Variants in ADAM22 observed in about 807,000 individuals in gnomAD.
ADAM22 encodes the protein disintegrin and metalloproteinase domain-containing protein 22.
Under a neutral mutation model 144.6 loss-of-function variants are expected in ADAM22, and 65 were observed. That is an observed-to-expected ratio of 0.45 (90% confidence interval 0.37 to 0.55). The LOEUF is 0.55. Ranked by LOEUF, ADAM22 falls within the 20% of genes least tolerant of loss-of-function variation. ADAM22 has a pLI of 0.00. For missense variants in ADAM22, 974 were observed against 1,184.9 expected (o/e 0.82, Z 2.61); for synonymous variants, 391 against 412.6 (o/e 0.95, Z 0.63).
intron 3 of ADAM22, among the ~76,000 whole-genome samples, chr7:87,978,659 A>G (rs767521160): frequency 1.3e-5 from 2 of 152,244 alleles, no homozygotes; most frequent in African/African-American, 2.4e-5. Flanking sequence ...TTACCCCAAT[A>G]TTTTTTGTAA....
At chr7:88,025,817 T>G (rs1798901949) in intron 3 of ADAM22, among the ~76,000 whole-genome samples, 1 of 152,224 alleles carries the variant, frequency 6.6e-6, no homozygotes, top group African/African-American at 2.4e-5. Context: ...TTCAGTTTTG[T>G]TCTTTTTACT....
At chr7:87,934,751 C>A (rs1232280465) in intron 1 of ADAM22, 1 of 651,476 alleles carries the variant, frequency 1.5e-6, no homozygotes, top group Non-Finnish European at 2.6e-6. Context: ...TGGAAGCCTT[C>A]GGTCAAAGCC....
At chr7:87,992,196 T>C (rs777613990) in intron 3 of ADAM22, among the ~76,000 whole-genome samples, 4 of 152,208 alleles carry the variant, frequency 2.6e-5, no homozygotes, top group Non-Finnish European at 5.9e-5. Flanking sequence ...CAAAGCTGTG[T>C]AAGATTTTGC....
intron 22 of ADAM22, among the ~76,000 whole-genome samples, chr7:88,157,551 C>T (rs951600006): frequency 7.2e-5 from 11 of 151,950 alleles, no homozygotes; most frequent in Admixed American, 5.2e-4. Flanking sequence ...AATTGCACTC[C>T]ACCAAAACAA....
chr7:88,079,106 G>T (rs1439629126), intron 4 of ADAM22, among the ~76,000 whole-genome samples: 1 of 152,136 alleles, frequency 6.6e-6, no homozygotes, highest in African/African-American at 2.4e-5. Context: ...GAAAGGTCGG[G>T]TTACCCACAA....
intron 2 of ADAM22, among the ~76,000 whole-genome samples, chr7:87,970,470 TA>T (rs1850176343): frequency 6.6e-6 from 1 of 152,194 alleles, no homozygotes; most frequent in African/African-American, 2.4e-5. Flanking sequence ...ACCCCATTGG[TA>T]AACATCAATT....
intron 3 of ADAM22, among the ~76,000 whole-genome samples, chr7:87,987,621 A>G (rs1239708195): frequency 1.3e-5 from 2 of 152,226 alleles, no homozygotes; most frequent in East Asian, 3.8e-4. Flanking sequence ...CTGTTAAACT[A>G]TTGGATGAAC....
At chr7:88,029,612 C>G (rs1404631350) in intron 3 of ADAM22, among the ~76,000 whole-genome samples, 2 of 152,056 alleles carry the variant, frequency 1.3e-5, no homozygotes, top group East Asian at 3.8e-4. Flanking sequence ...ATGTCCTTTT[C>G]TTTCAGATTG....
rs1831483857 is a variant in ADAM22 at position 88,130,460 on chromosome 7, G to T, written c.825+1G>T. ...ATCTGTGGTGAACATGGCAGATTTA[G>T]TAAGTATCAACCCCGTTCATTATTG... On this transcript the variant is annotated splice_donor_variant, in intron 10 of 31. Coordinates refer to ENST00000413139, the MANE Select transcript of ADAM22 (RefSeq NM_001324418.2). LOFTEE classifies it high-confidence loss of function. The T allele has an allele frequency of 6.2e-7, 1 of 1,612,198 alleles. No homozygotes were observed. The highest frequency in any genetic ancestry group is 8.5e-7 in the Non-Finnish European group (1 of 1,178,642).
intron 14 of ADAM22, among the ~76,000 whole-genome samples, chr7:88,142,607 G>C (rs1172652071): frequency 6.6e-6 from 1 of 152,150 alleles, no homozygotes; most frequent in Non-Finnish European, 1.5e-5. Flanking sequence ...GGGAGGCCGA[G>C]GCGGGCGGAT....
chr7:88,153,450 C>A, intron 21 of ADAM22, 124 bp downstream of exon 21: 1 of 700,696 alleles, frequency 1.4e-6, no homozygotes, highest in Non-Finnish European at 2.4e-6. Context: ...TTAACCTCAT[C>A]TCTTCCCAGT....
intron 5 of ADAM22, among the ~76,000 whole-genome samples, chr7:88,110,962 C>T (rs1194545547): frequency 1.4e-5 from 2 of 145,200 alleles, no homozygotes; most frequent in South Asian, 2.3e-4. Context: ...AGGTTGGTCT[C>T]GAACTCCTGA....
At chr7:88,021,973 A>G (rs929020457) in intron 3 of ADAM22, among the ~76,000 whole-genome samples, 9 of 152,028 alleles carry the variant, frequency 5.9e-5, no homozygotes, top group Admixed American at 5.9e-4. Context: ...CCAGGGCTCA[A>G]GTGATCCTCC....
intron 4 of ADAM22, among the ~76,000 whole-genome samples, chr7:88,077,679 G>A (rs539905053): frequency 2.6e-5 from 4 of 152,170 alleles, no homozygotes; most frequent in Non-Finnish European, 5.9e-5. Context: ...TTAACAAACG[G>A]CACACCAGGA....
chr7:88,072,622 G>A (rs144092319), intron 3 of ADAM22, among the ~76,000 whole-genome samples: 16 of 152,282 alleles, frequency 1.1e-4, no homozygotes, highest in African/African-American at 2.6e-4. Flanking sequence ...ATTCACCACC[G>A]TACAGCTCAG....
intron 3 of ADAM22, among the ~76,000 whole-genome samples, chr7:88,069,622 G>C (rs552253499): frequency 1.2e-4 from 18 of 152,218 alleles, no homozygotes; most frequent in Admixed American, 3.9e-4. Context: ...TTCCTCCAGA[G>C]ACCCCTGAAA....
intron 3 of ADAM22, among the ~76,000 whole-genome samples, chr7:88,056,740 C>T (rs1808354090): frequency 6.6e-6 from 1 of 152,164 alleles, no homozygotes; most frequent in African/African-American, 2.4e-5. Flanking sequence ...CAAGAAAATT[C>T]ACTCCTAAAA....
chr7:88,168,680 T>C (rs933552004), intron 25 of ADAM22, among the ~76,000 whole-genome samples: 1 of 152,222 alleles, frequency 6.6e-6, no homozygotes, highest in Non-Finnish European at 1.5e-5. Context: ...TTTAATCTTA[T>C]GATGTGAAAA....
chr7:87,989,002 C>T (rs1789121138), intron 3 of ADAM22, among the ~76,000 whole-genome samples: 1 of 152,200 alleles, frequency 6.6e-6, no homozygotes, highest in African/African-American at 2.4e-5. Flanking sequence ...TGTCCCCAGG[C>T]AAGAATTAGC....
Sources: gnomAD v4.1 joint callset for allele counts (sites outside exome capture counted in the v4.1 genomes callset) on GRCh38, gnomAD v4.1.1 for gene constraint, MANE v1.5 for transcripts, NCBI Gene and HGNC (gene_info 2026-07-23, HGNC 2026-07-21) for gene names.